Variants in SHQ1 observed in about 807,000 individuals in gnomAD.
The protein encoded by SHQ1 is protein SHQ1 homolog.
A neutral mutation model predicts 53.8 loss-of-function variants in SHQ1; 49 were observed. That is an observed-to-expected ratio of 0.91 (90% CI 0.72 to 1.16). SHQ1 has a LOEUF of 1.16. Ranked by LOEUF, SHQ1 falls within the 50% of genes most tolerant of loss-of-function variation. The pLI is 0.00. For missense variants in SHQ1, 738 were observed against 683.1 expected (o/e 1.08, Z -0.90); for synonymous variants, 243 against 251.0 (o/e 0.97, Z 0.30).
intron 10 of SHQ1, among the ~76,000 whole-genome samples, chr3:72,764,002 T>G (rs1705664953): frequency 1.3e-5 from 2 of 150,896 alleles, no homozygotes; most frequent in African/African-American, 2.5e-5. Flanking sequence ...TTCCTGAGTT[T>G]ACAAATGGAA....
chr3:72,787,487 G>A (rs892715144), intron 10 of SHQ1, among the ~76,000 whole-genome samples: 1 of 152,026 alleles, frequency 6.6e-6, no homozygotes. Flanking sequence ...AATGTGCTAT[G>A]TATTAAAACC....
At chr3:72,750,932 T>C in intron 10 of SHQ1, 96 bp from the exon 11 acceptor site, 1 of 984,050 alleles carries the variant, frequency 1.0e-6, no homozygotes, top group Non-Finnish European at 1.4e-6. Flanking sequence ...GTTGAATCCA[T>C]ATTTTAAATG....
chr3:72,742,256 A>G, the SHQ1 span, among the ~76,000 whole-genome samples: 1,334 of 152,214 alleles, frequency 8.8e-3, 16 homozygotes, highest in African/African-American at 0.031. Flanking sequence ...CTATGCTGCT[A>G]TAACACAACA....
rs895796623 is a variant in SHQ1 at position 72,773,695 on chromosome 3, T to C, written c.1181+19221A>G. On this transcript the variant is annotated intron_variant, in intron 10 of 10. Coordinates refer to ENST00000325599, the MANE Select transcript of SHQ1 (RefSeq NM_018130.3). ...GGTGGTGAGACCAAAAAGAGGGATT[T>C]ATATGAAAGGGATTGTATAGGAAGA... Among the ~76,000 whole-genome samples, 5 of 152,064 alleles carry C rather than the reference T, an allele frequency of 3.3e-5. No individual in the cohort carries two copies. The East Asian group carries it at 9.7e-4, about 29-fold the overall frequency.
At chr3:72,781,931 T>C (rs1424624729) in intron 10 of SHQ1, among the ~76,000 whole-genome samples, 1 of 152,232 alleles carries the variant, frequency 6.6e-6, no homozygotes, top group African/African-American at 2.4e-5. Context: ...AAAAGATTGT[T>C]TTATGTACTC....
At chr3:72,764,906 CT>C (rs1490087571) in intron 10 of SHQ1, among the ~76,000 whole-genome samples, 1 of 152,224 alleles carries the variant, frequency 6.6e-6, no homozygotes, top group Non-Finnish European at 1.5e-5. Flanking sequence ...GAGGTTCCCC[CT>C]GTTCCTGGGT....
intron 10 of SHQ1, among the ~76,000 whole-genome samples, chr3:72,772,192 A>C (rs1705869027): frequency 6.6e-6 from 1 of 152,032 alleles, no homozygotes; most frequent in African/African-American, 2.4e-5. Flanking sequence ...AATGTAACAA[A>C]TATGGTAGAG....
In SHQ1 at chr3:72,749,348, T is replaced by C. The variant is rs976490765; in HGVS notation, c.*936A>G. 7 of 229,488 alleles carry C rather than the reference T, an allele frequency of 3.1e-5. No individual in the cohort carries two copies. The highest frequency in any genetic ancestry group is 1.3e-3 in the Middle Eastern group (1 of 766). 14.2% of individuals were successfully genotyped at this position (229,488 alleles called of 1,614,324 possible). On this transcript the variant is annotated 3_prime_UTR_variant, in exon 11 of 11. Coordinates refer to ENST00000325599, the MANE Select transcript of SHQ1 (RefSeq NM_018130.3). The stretch of plus-strand genomic sequence containing the variant: ...TGGAAACAACCCAGGTGTCCATCGA[T>C]AGGTCAATGAACAAATCTATTCAAT...
chr3:72,772,264 T>C (rs931932942), intron 10 of SHQ1, among the ~76,000 whole-genome samples: 5 of 145,168 alleles, frequency 3.4e-5, no homozygotes, highest in Non-Finnish European at 7.5e-5. Flanking sequence ...ATTTGGGAAA[T>C]AGTGAGTTCA....
chr3:72,756,236 G>A lies in SHQ1; in HGVS notation c.1182-5400C>T, dbSNP rs376089054. 3.7e-4 allele frequency among the ~76,000 whole-genome samples: 57 copies of A among 152,194 alleles called. 1 individual carries two copies. The highest frequency in any genetic ancestry group is 7.8e-4 in the East Asian group (4 of 5,158). On this transcript the variant is annotated intron_variant, in intron 10 of 10. Coordinates refer to ENST00000325599, the MANE Select transcript of SHQ1 (RefSeq NM_018130.3). ...GATACTCTCAACAAACACATAGGCT[G>A]AGTTACTAGTTATAGTATATGTTTT...
the SHQ1 span, among the ~76,000 whole-genome samples, chr3:72,732,018 G>A: frequency 6.6e-6 from 1 of 151,622 alleles, no homozygotes; most frequent in African/African-American, 2.4e-5. Flanking sequence ...CAAGAGGTAG[G>A]CAAAGGCCAT....
At position 72,817,236 on chromosome 3, in the gene SHQ1, C is replaced by T. The variant is rs1172236308; in HGVS notation, c.876G>A (p.Glu292=). 1 of 1,612,458 alleles carries T rather than the reference C, an allele frequency of 6.2e-7. No individual in the cohort carries two copies. Among genetic ancestry groups the T allele is most frequent in the Admixed American group, 1.7e-5 (1 of 59,698 alleles). Residue 292 remains glutamate (E), a synonymous_variant, in exon 7 of 11, where the codon GAG becomes GAA. Coordinates refer to ENST00000325599, the MANE Select transcript of SHQ1 (RefSeq NM_018130.3). ...YCYETRVTEG[E]KNVESAWNIR... is the part of the protein sequence containing the mutation. Reference sequence around the variant, plus strand: ...CACACATACATGCACTTACATTCTTCTCTCCTTCAGTGACACGGGTTTCAT... The same window carrying T: ...CACACATACATGCACTTACATTCTTTTCTCCTTCAGTGACACGGGTTTCAT...
At chr3:72,779,938 G>A (rs2106755279) in intron 10 of SHQ1, among the ~76,000 whole-genome samples, 1 of 152,258 alleles carries the variant, frequency 6.6e-6, no homozygotes, top group Non-Finnish European at 1.5e-5. Context: ...GGATCTTTCT[G>A]ATAAAAAGGT....
intron 6 of SHQ1, among the ~76,000 whole-genome samples, chr3:72,818,686 C>T (rs189900044): frequency 4.5e-4 from 68 of 152,272 alleles, no homozygotes; most frequent in African/African-American, 1.4e-3. Flanking sequence ...CAACAGAATA[C>T]GACCAAGGCA....
chr3:72,806,961 C>T (rs2106840444), intron 9 of SHQ1, among the ~76,000 whole-genome samples: 1 of 152,334 alleles, frequency 6.6e-6, no homozygotes, highest in Non-Finnish European at 1.5e-5. Flanking sequence ...AACACGTCCC[C>T]AAATACAGCC....
intron 10 of SHQ1, among the ~76,000 whole-genome samples, chr3:72,768,596 T>C (rs768092346): frequency 1.2e-4 from 18 of 152,230 alleles, no homozygotes; most frequent in Non-Finnish European, 2.1e-4. Flanking sequence ...GCCTTACTTA[T>C]GCATTTTCTA....
intron 10 of SHQ1, among the ~76,000 whole-genome samples, chr3:72,765,735 T>C (rs1234438678): frequency 6.6e-6 from 1 of 151,468 alleles, no homozygotes; most frequent in African/African-American, 2.4e-5. Context: ...TGTATTTTAG[T>C]AGAGACGGGG....
intron 9 of SHQ1, among the ~76,000 whole-genome samples, chr3:72,800,962 T>A (rs1575704262): frequency 6.6e-6 from 1 of 152,250 alleles, no homozygotes; most frequent in East Asian, 1.9e-4. Flanking sequence ...ATGTGCCAGT[T>A]TGAAAGGACA....
chr3:72,813,522 T>C (rs1018771775), intron 8 of SHQ1, among the ~76,000 whole-genome samples: 2 of 149,536 alleles, frequency 1.3e-5, no homozygotes, highest in African/African-American at 4.9e-5. Flanking sequence ...TCTCAGCACT[T>C]TGGGAGGCCG....
Sources: allele counts gnomAD v4.1 joint callset (sites outside exome capture counted in the v4.1 genomes callset), GRCh38; gene constraint gnomAD v4.1.1; transcripts MANE v1.5; gene names NCBI Gene and HGNC (gene_info 2026-07-23, HGNC 2026-07-21).